The following HMCN2 variants were observed in gnomAD, a reference collection of about 807,000 sequenced individuals.
HMCN2 encodes hemicentin 2, also known as hemicentin-2.
HMCN2 carries 325 observed loss-of-function variants against 377.5 expected under a neutral mutation model. That is an observed-to-expected ratio of 0.86 (90% CI 0.79 to 0.94). The LOEUF (loss-of-function observed/expected upper bound fraction) is 0.94, where lower values mean the gene tolerates loss of function less well. HMCN2 is among the 40% of genes least tolerant of loss of function. The pLI is 0.00. For synonymous variants in HMCN2, 2,007 were observed against 2,046.8 expected, an observed-to-expected ratio of 0.98 and a Z score of 0.53; for missense variants, 4,543 against 4,725.3, an observed-to-expected ratio of 0.96 and a Z score of 1.13.
In HMCN2 at chr9:130,266,117, T is replaced by TG; in HGVS notation, c.241dup (p.Val81GlyfsTer34). Reference sequence around the variant, plus strand: ...AGCCAGGCCATCGCCAACTACGCGCTGGTGCCCTTCCACGACCCAGGTAGC... The same window carrying TG: ...AGCCAGGCCATCGCCAACTACGCGCTGGGTGCCCTTCCACGACCCAGGTAGC... On this transcript the variant is annotated frameshift_variant, in exon 1 of 98. Transcript: ENST00000683500. LOFTEE classifies it high-confidence loss of function. The TG allele has an allele frequency of 2.1e-6, 1 of 468,306 alleles. No homozygotes were observed. The highest frequency in any genetic ancestry group is 7.0e-5 in the East Asian group (1 of 14,302). 29.0% of individuals were successfully genotyped at this position (468,306 alleles called of 1,614,324 possible).
chr9:130,422,844 C>A lies in HMCN2; in HGVS notation c.13381+118C>A, dbSNP rs1033542397. 2.4e-6 allele frequency: 2 copies of A among 833,498 alleles called. No homozygotes were observed. The highest frequency in any genetic ancestry group is 3.2e-6 in the Non-Finnish European group (2 of 621,518). 51.6% of individuals were successfully genotyped at this position (833,498 alleles called of 1,614,324 possible). A position where few individuals can be genotyped will look rare whatever the true frequency, so the allele number is the denominator to read the frequency against. ...CCTGTGCCCCGAGACTTGCTCAAGG[C>A]CTGATGACCAGAGCACGTCTGACCA... is the stretch of plus-strand genomic sequence containing the variant. On this transcript the variant is annotated intron_variant, in intron 87 of 97. Transcript: ENST00000683500. This position sits in a 1 kb window ranked among gnomAD's most constrained non-coding sequence, Gnocchi z 4.2.
At chr9:130,300,793 C>T (rs1836461665) in intron 8 of HMCN2, among the ~76,000 whole-genome samples, 1 of 152,216 alleles carries the variant, frequency 6.6e-6, no homozygotes, top group Non-Finnish European at 1.5e-5. Flanking sequence ...TCCCTGAGGT[C>T]TCACCGTTCA....
intron 47 of HMCN2, among the ~76,000 whole-genome samples, chr9:130,372,781 G>A (rs1292615559): frequency 6.6e-6 from 1 of 152,196 alleles, no homozygotes; most frequent in Non-Finnish European, 1.5e-5. Flanking sequence ...ATCGAAAGTG[G>A]AAGGGGGCAA....
chr9:130,343,833 G>C (rs1482041434), intron 25 of HMCN2, among the ~76,000 whole-genome samples: 1 of 152,220 alleles, frequency 6.6e-6, no homozygotes, highest in Non-Finnish European at 1.5e-5. Flanking sequence ...CCTTGGGCTC[G>C]GAGCGCTCTG....
Position 130,433,380 on chromosome 9 carries a change from G to A in HMCN2, c.14927G>A (p.Gly4976Asp). The A allele has an allele frequency of 6.8e-7, 1 of 1,478,300 alleles. No individual in the cohort carries two copies. 91.6% of individuals were successfully genotyped at this position (1,478,300 alleles called of 1,614,324 possible). Residue 4976 changes from glycine to aspartate, a missense_variant, in exon 98 of 98, where the codon GGC becomes GAC. Coordinates refer to ENST00000683500, the MANE Select transcript of HMCN2 (RefSeq NM_001291815.2). The part of the protein sequence containing the change: ...TCFRRCSQDC[G>D]TGGPSTLQYR... ...TTCCGGCGCTGCTCGCAGGACTGCG[G>A]CACGGGCGGCCCCTCTACGCTGCAG... is the stretch of plus-strand genomic sequence containing the variant.
At chr9:130,335,022 G>C (rs1259313167) in intron 22 of HMCN2, among the ~76,000 whole-genome samples, 3 of 152,044 alleles carry the variant, frequency 2.0e-5, no homozygotes, top group Non-Finnish European at 4.4e-5. Flanking sequence ...TTTTTGTAGA[G>C]ATGAGGTCTC....
chr9:130,299,991 C>T (rs142985373), intron 8 of HMCN2, among the ~76,000 whole-genome samples: 600 of 151,716 alleles, frequency 4.0e-3, no homozygotes, highest in Admixed American at 0.011. Context: ...ACCCATCTAC[C>T]CATTCATGCA....
At chr9:130,407,518 G>A in intron 82 of HMCN2, 53 bp from the exon 83 acceptor site, 1 of 1,270,212 alleles carries the variant, frequency 7.9e-7, no homozygotes, top group Non-Finnish European at 1.0e-6. Context: ...AGGCACCAGG[G>A]AAGTGTTTAG....
At chr9:130,342,053 A>AAAT (rs1491564184) in intron 24 of HMCN2, among the ~76,000 whole-genome samples, 4 of 146,162 alleles carry the variant, frequency 2.7e-5, no homozygotes, top group Non-Finnish European at 4.6e-5. Flanking sequence ...ATAAATAAAT[A>AAAT]AATAAATAAA....
At chr9:130,322,586 C>T (rs888596655) in intron 19 of HMCN2, among the ~76,000 whole-genome samples, 15 of 152,068 alleles carry the variant, frequency 9.9e-5, no homozygotes, top group Non-Finnish European at 2.1e-4. Flanking sequence ...ATCTGTACTC[C>T]CCCCGCCCAA....
Position 130,319,635 on chromosome 9 carries a change from C to CT in HMCN2, c.2492dup (p.Ala833GlyfsTer6). The CT allele has an allele frequency of 6.6e-6, 1 of 152,222 alleles. No homozygotes were observed. Among genetic ancestry groups the CT allele is most frequent in the South Asian group, 2.1e-4 (1 of 4,806 alleles). The allele number at this position is 152,222 out of a possible 1,614,324, so 9.4% of individuals were successfully genotyped here. ...AGATGGCCAGCCTCTGGGACTCAGG[C>CT]TGGGGGCCGGGCGAGGCAGTAGGTC... On this transcript the variant is annotated frameshift_variant, in exon 16 of 98. Coordinates refer to ENST00000683500, the MANE Select transcript of HMCN2 (RefSeq NM_001291815.2). LOFTEE classifies it high-confidence loss of function.
chr9:130,403,807 G>A lies in HMCN2; in HGVS notation c.12080G>A (p.Gly4027Glu), dbSNP rs543054485. ...RIAHASPEDAGNYLCIAKNSA... is the reference protein window; with the variant it reads ...RIAHASPEDAENYLCIAKNSA... ...GCCCATGCCAGCCCAGAGGATGCTG[G>A]AAACTATCTCTGCATCGCTAAGAAC... is the stretch of plus-strand genomic sequence containing the variant. Residue 4027 changes from glycine (G) to glutamate (E), a missense_variant, in exon 80 of 98, where the codon GGA (glycine) becomes GAA (glutamate). This residue lies in a region of HMCN2 where 1,073 missense variants were observed against 1,319.5 expected (regional missense o/e 0.81). Transcript: ENST00000683500. 3.6e-5 allele frequency: 46 copies of A among 1,289,688 alleles called. No individual in the cohort carries two copies. The highest frequency in any genetic ancestry group is 9.2e-5 in the Admixed American group (4 of 43,550). The allele number at this position is 1,289,688 out of a possible 1,614,324, so 79.9% of individuals were successfully genotyped here.
chr9:130,297,985 C>T (rs1432336218), intron 7 of HMCN2, among the ~76,000 whole-genome samples: 1 of 152,134 alleles, frequency 6.6e-6, no homozygotes, highest in Non-Finnish European at 1.5e-5. Flanking sequence ...GATGGAGTCT[C>T]ACTCTGTCAC....
intron 8 of HMCN2, 49 bp from the exon 9 acceptor site, chr9:130,302,807 TG>T (rs1554934937): frequency 2.5e-6 from 1 of 405,154 alleles, no homozygotes; most frequent in Non-Finnish European, 5.2e-6. Flanking sequence ...TCACTGGGTG[TG>T]GCAAAGGGGC....
Position 130,423,615 on chromosome 9 carries a change from G to A in HMCN2, c.13381+889G>A, listed in dbSNP as rs1489947570. ...GGGAAGGTGGTGCCCATGCACAGGGGCCTGGCCAGCTCCTGTGAACCTTGC... is the reference window on the plus strand; with the variant it reads ...GGGAAGGTGGTGCCCATGCACAGGGACCTGGCCAGCTCCTGTGAACCTTGC... On this transcript the variant is annotated intron_variant, in intron 87 of 97. Transcript: ENST00000683500. This position sits in a 1 kb window ranked among gnomAD's most constrained non-coding sequence, Gnocchi z 5.5. Among the ~76,000 whole-genome samples, 1 of 152,208 alleles carries A rather than the reference G, an allele frequency of 6.6e-6. No individual in the cohort carries two copies. Among genetic ancestry groups the A allele is most frequent in the African/African-American group, 2.4e-5 (1 of 41,462 alleles).
Position 130,396,079 on chromosome 9 carries a change from G to GGGCCCCCCC in HMCN2, c.11053+14_11053+15insGGCCCCCCC. On this transcript the variant is annotated intron_variant, in intron 72 of 97. Coordinates refer to ENST00000683500, the MANE Select transcript of HMCN2 (RefSeq NM_001291815.2). ...TGGAGATCCACAGTGAGTAGGGCCC[G>GGGCCCCCCC]CCCCACCCCACCCTGCCCACCTTAC... 10 of 482,544 alleles carry GGGCCCCCCC rather than the reference G, an allele frequency of 2.1e-5. No homozygotes were observed. Among genetic ancestry groups the GGGCCCCCCC allele is most frequent in the Non-Finnish European group, 2.7e-5 (10 of 375,324 alleles). The allele number at this position is 482,544 out of a possible 1,614,324, so 29.9% of individuals were successfully genotyped here. A position where few individuals can be genotyped will look rare whatever the true frequency, so the allele number is the denominator to read the frequency against.
rs553031043 is a variant in HMCN2 at position 130,403,092 on chromosome 9, G to A, written c.11879-102G>A. 2.3e-5 allele frequency: 27 copies of A among 1,154,140 alleles called. No individual in the cohort carries two copies. In the East Asian group the frequency reaches 2.4e-4, roughly 10 times the overall value. The allele number at this position is 1,154,140 out of a possible 1,614,324, so 71.5% of individuals were successfully genotyped here. The stretch of plus-strand genomic sequence containing the variant: ...TGTGGCCGATGTTTCTAGAACCCCC[G>A]TTCTCCTTAGAGGCCTCTCTCTCTG... On this transcript the variant is annotated intron_variant, in intron 78 of 97. Transcript: ENST00000683500.
At chr9:130,403,896 G>A (rs901298001) in intron 80 of HMCN2, 21 bp downstream of exon 80, 15 of 1,283,752 alleles carry the variant, frequency 1.2e-5, no homozygotes, top group Middle Eastern at 2.1e-4. Flanking sequence ...GGACGGGGCC[G>A]AGGTGGGCCC....
chr9:130,427,836 AG>A (rs1372371596), intron 92 of HMCN2, among the ~76,000 whole-genome samples: 9 of 152,270 alleles, frequency 5.9e-5, no homozygotes, highest in Admixed American at 2.0e-4. Context: ...CCCAGGTATC[AG>A]GGGGTGATGG....
Sources: allele counts gnomAD v4.1 joint callset (sites outside exome capture counted in the v4.1 genomes callset), GRCh38; gene constraint gnomAD v4.1.1; regional missense constraint gnomAD v4.1.1; non-coding constraint Gnocchi (gnomAD v3.1); transcripts MANE v1.5; gene names NCBI Gene and HGNC (gene_info 2026-07-23, HGNC 2026-07-21).